The following PRKCH variants were observed in gnomAD, a reference collection of about 807,000 sequenced individuals.
The protein encoded by PRKCH is protein kinase C eta.
In PRKCH, 28 loss-of-function variants were observed where a neutral mutation model predicts 82.5. The observed-to-expected ratio is 0.34, with a 90% confidence interval of 0.25 to 0.47. The LOEUF is 0.47. Ranked by LOEUF, PRKCH falls within the 20% of genes least tolerant of loss-of-function variation. The pLI, the probability that PRKCH is intolerant of heterozygous loss-of-function variation, is 1.00. For synonymous variants in PRKCH, 322 were observed against 327.4 expected (o/e 0.98, Z 0.18); for missense variants, 705 against 881.8 (o/e 0.80, Z 2.54).
At chr14:61,202,036 G>A (rs1003468397) in intron 1 of PRKCH, among the ~76,000 whole-genome samples, 2 of 151,934 alleles carry the variant, frequency 1.3e-5, no homozygotes, top group Non-Finnish European at 2.9e-5. Context: ...TATTCACTTC[G>A]GTAAATCTAC....
chr14:61,348,981 T>C (rs1250814193), intron 1 of PRKCH, among the ~76,000 whole-genome samples: 2 of 152,244 alleles, frequency 1.3e-5, no homozygotes, highest in Non-Finnish European at 2.9e-5. Flanking sequence ...CACAGAAGTG[T>C]TCCCTGCTGG....
At chr14:61,507,545 C>G (rs1443959919) in intron 10 of PRKCH, among the ~76,000 whole-genome samples, 1 of 152,066 alleles carries the variant, frequency 6.6e-6, no homozygotes, top group Non-Finnish European at 1.5e-5. Context: ...TGTCCTTCTG[C>G]AGACAAATAG....
intron 1 of PRKCH, among the ~76,000 whole-genome samples, chr14:61,324,107 C>T (rs1251219121): frequency 6.6e-6 from 1 of 152,164 alleles, no homozygotes; most frequent in Non-Finnish European, 1.5e-5. Flanking sequence ...ATCATCCGTA[C>T]TTTTAGGCTC....
At chr14:61,239,815 A>C (rs779456071) in intron 1 of PRKCH, among the ~76,000 whole-genome samples, 15 of 152,160 alleles carry the variant, frequency 9.9e-5, no homozygotes, top group Non-Finnish European at 2.1e-4. Context: ...TTTTTCTGGG[A>C]GATGGCTCTG....
At chr14:61,407,876 T>C (rs533531543) in intron 2 of PRKCH, among the ~76,000 whole-genome samples, 1 of 152,334 alleles carries the variant, frequency 6.6e-6, no homozygotes, top group East Asian at 1.9e-4. Flanking sequence ...CAGTTTTGCT[T>C]TGTATGCAGC....
chr14:61,465,466 T>C (rs183411329), intron 9 of PRKCH, among the ~76,000 whole-genome samples: 1 of 152,234 alleles, frequency 6.6e-6, no homozygotes. Context: ...TTCAACACCA[T>C]TTATTGAAGG....
chr14:61,451,155 G>A (rs1433331036), intron 6 of PRKCH, among the ~76,000 whole-genome samples, 184 bp downstream of exon 6: 3 of 152,180 alleles, frequency 2.0e-5, no homozygotes, highest in Admixed American at 1.3e-4. Flanking sequence ...TTCATCTGAT[G>A]CCAACATTTT....
chr14:61,362,958 G>T (rs966658606), intron 1 of PRKCH, among the ~76,000 whole-genome samples: 1 of 152,214 alleles, frequency 6.6e-6, no homozygotes, highest in African/African-American at 2.4e-5. Context: ...AAGAAGGGAG[G>T]TTAGGGCAAG....
At chr14:61,469,028 G>C (rs558677645) in intron 9 of PRKCH, among the ~76,000 whole-genome samples, 1 of 152,296 alleles carries the variant, frequency 6.6e-6, no homozygotes, top group Admixed American at 6.5e-5. Context: ...TGTTCTGCCA[G>C]GTGGTTTAGT....
At chr14:61,423,398 A>G (rs1234611190) in intron 2 of PRKCH, among the ~76,000 whole-genome samples, 1 of 152,230 alleles carries the variant, frequency 6.6e-6, no homozygotes, top group Non-Finnish European at 1.5e-5. Flanking sequence ...ATACACAGAC[A>G]GTTGAATGAC....
chr14:61,297,348 G>T (rs2045413938), intron 1 of PRKCH, among the ~76,000 whole-genome samples: 1 of 152,164 alleles, frequency 6.6e-6, no homozygotes, highest in Non-Finnish European at 1.5e-5. Flanking sequence ...TCCTTTCTGT[G>T]TGACACAAGA....
At chr14:61,429,537 C>T (rs1268465428) in intron 2 of PRKCH, among the ~76,000 whole-genome samples, 1 of 152,182 alleles carries the variant, frequency 6.6e-6, no homozygotes, top group Non-Finnish European at 1.5e-5. Flanking sequence ...TAGTCACACC[C>T]ATTGTTTTCA....
chr14:61,259,675 C>A (rs1028571187), intron 1 of PRKCH, among the ~76,000 whole-genome samples: 2 of 152,170 alleles, frequency 1.3e-5, no homozygotes, highest in Admixed American at 6.5e-5. Context: ...GTCAATTAAT[C>A]TTTTCAATAA....
At chr14:61,198,035 C>T (rs1036357913) in intron 1 of PRKCH, among the ~76,000 whole-genome samples, 1 of 151,682 alleles carries the variant, frequency 6.6e-6, no homozygotes, top group African/African-American at 2.4e-5. Flanking sequence ...TTGTAAAATA[C>T]ATCCTGCAAA....
chr14:61,469,382 G>A (rs140592141), intron 9 of PRKCH, among the ~76,000 whole-genome samples: 164 of 152,340 alleles, frequency 1.1e-3, no homozygotes, highest in African/African-American at 3.9e-3. Flanking sequence ...GGGTTCTAGG[G>A]GAAACTCTTA....
At chr14:61,198,765 G>A (rs1405611480) in intron 1 of PRKCH, among the ~76,000 whole-genome samples, 1 of 152,222 alleles carries the variant, frequency 6.6e-6, no homozygotes, top group Admixed American at 6.5e-5. Context: ...ACTGCAGACA[G>A]ATCAAAAGGC....
chr14:61,297,927 T>C (rs1301663186), intron 1 of PRKCH, among the ~76,000 whole-genome samples: 1 of 152,212 alleles, frequency 6.6e-6, no homozygotes, highest in African/African-American at 2.4e-5. Context: ...TCTGAGGTGC[T>C]AGTCTTAACT....
intron 4 of PRKCH, among the ~76,000 whole-genome samples, chr14:61,446,625 T>C (rs570014809): frequency 2.0e-5 from 3 of 152,372 alleles, no homozygotes; most frequent in African/African-American, 2.4e-5. Context: ...AACAATTCCA[T>C]TGAACTTTCA....
intron 9 of PRKCH, among the ~76,000 whole-genome samples, chr14:61,459,720 T>G (rs1241038989): frequency 6.6e-6 from 1 of 152,258 alleles, no homozygotes; most frequent in East Asian, 1.9e-4. Context: ...GCTCGTTTTA[T>G]TTATAGCCTT....
Sources: allele counts gnomAD v4.1 joint callset (sites outside exome capture counted in the v4.1 genomes callset), GRCh38; gene constraint gnomAD v4.1.1; transcripts MANE v1.5; gene names NCBI Gene and HGNC (gene_info 2026-07-23, HGNC 2026-07-21).